Variants in CBLB observed in about 807,000 individuals in gnomAD.
CBLB encodes E3 ubiquitin-protein ligase CBL-B.
A neutral mutation model predicts 104.9 loss-of-function variants in CBLB; 31 were observed. The ratio of observed to expected loss-of-function variants is 0.30; its 90% confidence interval spans 0.22 to 0.40. The LOEUF (loss-of-function observed/expected upper bound fraction) is 0.40. Among genes scored for constraint, CBLB ranks in the 10% least tolerant of loss-of-function variants. The probability of loss-of-function intolerance (pLI) is 1.00; values close to 1 mark genes in which losing one functional copy is unlikely to be tolerated. For missense variants in CBLB, 1,062 were observed against 1,214.6 expected, an observed-to-expected ratio of 0.87 and a Z score of 1.87; for synonymous variants, 440 against 422.6, an observed-to-expected ratio of 1.04 and a Z score of -0.51.
chr3:105,715,697 G>T (rs1158044660), intron 10 of CBLB, among the ~76,000 whole-genome samples: 1 of 152,164 alleles, frequency 6.6e-6, no homozygotes, highest in Non-Finnish European at 1.5e-5. Flanking sequence ...GACAATCACT[G>T]GCAGTCACTC....
At chr3:105,744,256 T>C (rs1218570630) in intron 6 of CBLB, among the ~76,000 whole-genome samples, 2 of 130,298 alleles carry the variant, frequency 1.5e-5, no homozygotes, top group Non-Finnish European at 3.2e-5. Flanking sequence ...ATAACTCACA[T>C]GTTAAATTTT....
chr3:105,658,145 T>C lies in CBLB; in HGVS notation c.*825A>G, dbSNP rs1481676734. The C allele has an allele frequency of 4.6e-6, 1 of 217,506 alleles. No homozygotes were observed. The highest frequency in any genetic ancestry group is 2.3e-5 in the African/African-American group (1 of 44,398). 13.5% of individuals were successfully genotyped at this position (217,506 alleles called of 1,614,324 possible). The stretch of plus-strand genomic sequence containing the variant: ...TTATACAAGTGTTCTCTCTTCCACA[T>C]CTGTAGTAGCTGCTTTCTAATATTG... On this transcript the variant is annotated 3_prime_UTR_variant, in exon 19 of 19. Transcript: ENST00000394030.
chr3:105,664,781 A>C (rs1165796783), intron 18 of CBLB, among the ~76,000 whole-genome samples: 1 of 152,188 alleles, frequency 6.6e-6, no homozygotes, highest in East Asian at 1.9e-4. Flanking sequence ...TGTGAAAAAT[A>C]ATCAGAATCT....
intron 3 of CBLB, among the ~76,000 whole-genome samples, chr3:105,837,126 T>C (rs573445144): frequency 4.0e-4 from 61 of 152,330 alleles, no homozygotes; most frequent in African/African-American, 1.4e-3. Context: ...GAAATCTTCA[T>C]CCGTATTAAG....
intron 3 of CBLB, among the ~76,000 whole-genome samples, chr3:105,848,004 C>T (rs1197348755): frequency 6.6e-6 from 1 of 151,948 alleles, no homozygotes; most frequent in Non-Finnish European, 1.5e-5. Context: ...ATGTTCTTTA[C>T]CTTCTCTCCA....
At chr3:105,755,178 C>G (rs952391739) in intron 4 of CBLB, among the ~76,000 whole-genome samples, 2 of 152,246 alleles carry the variant, frequency 1.3e-5, no homozygotes, top group Non-Finnish European at 2.9e-5. Context: ...TCTCTCCCCC[C>G]TCCCCTGACC....
At position 105,751,634 on chromosome 3, in the gene CBLB, A is replaced by G; in HGVS notation, c.567-16T>C. On this transcript the variant is annotated splice_polypyrimidine_tract_variant and intron_variant, in intron 4 of 18. Coordinates refer to ENST00000394030, the MANE Select transcript of CBLB (RefSeq NM_170662.5). ...TACGATAGTTCTGTGCAAGGTGGAA[A>G]AAAAGGGAAATAATTGAATCAAGTA... The G allele has an allele frequency of 6.2e-7, 1 of 1,608,414 alleles. No homozygotes were observed. The highest frequency in any genetic ancestry group is 8.5e-7 in the Non-Finnish European group (1 of 1,174,920).
At chr3:105,733,567 T>C (rs192596059) in intron 9 of CBLB, among the ~76,000 whole-genome samples, 55 of 152,284 alleles carry the variant, frequency 3.6e-4, no homozygotes, top group Admixed American at 7.8e-4. Context: ...GATTCTCCAA[T>C]TTCAGCACTA....
intron 3 of CBLB, among the ~76,000 whole-genome samples, chr3:105,841,470 TG>T (rs1246609546): frequency 9.2e-5 from 14 of 151,850 alleles, no homozygotes; most frequent in Admixed American, 4.6e-4. Context: ...ATATATTTTT[TG>T]AGACGGGGTC....
chr3:105,820,671 C>T (rs1286999013), intron 3 of CBLB, among the ~76,000 whole-genome samples: 1 of 151,930 alleles, frequency 6.6e-6, no homozygotes, highest in African/African-American at 2.4e-5. Flanking sequence ...ACACAAACAC[C>T]AGATAAAAAT....
intron 3 of CBLB, among the ~76,000 whole-genome samples, chr3:105,851,598 A>T (rs768251812): frequency 2.0e-5 from 3 of 152,228 alleles, no homozygotes; most frequent in Non-Finnish European, 4.4e-5. Flanking sequence ...CAAGATGTGA[A>T]CAGGAGAAAC....
At chr3:105,859,987 A>G (rs1422231342) in intron 2 of CBLB, among the ~76,000 whole-genome samples, 1 of 152,242 alleles carries the variant, frequency 6.6e-6, no homozygotes, top group Non-Finnish European at 1.5e-5. Context: ...GAAAATTACC[A>G]AGACCTTTAT....
At chr3:105,796,690 G>A (rs1169941756) in intron 3 of CBLB, among the ~76,000 whole-genome samples, 19 of 152,068 alleles carry the variant, frequency 1.2e-4, no homozygotes. Context: ...CTACATATGT[G>A]GCAAAAGTCT....
At chr3:105,854,966 C>T (rs1012896957) in intron 2 of CBLB, among the ~76,000 whole-genome samples, 4 of 152,024 alleles carry the variant, frequency 2.6e-5, no homozygotes, top group African/African-American at 9.7e-5. Flanking sequence ...TTGGCTAAAG[C>T]CTCCTGTTGG....
chr3:105,803,042 T>C (rs1269454722), intron 3 of CBLB, among the ~76,000 whole-genome samples: 1 of 152,166 alleles, frequency 6.6e-6, no homozygotes, highest in African/African-American at 2.4e-5. Context: ...ATCGGAGAAG[T>C]CTTTACACAG....
intron 3 of CBLB, among the ~76,000 whole-genome samples, chr3:105,799,528 A>G (rs1180992905): frequency 6.6e-6 from 1 of 152,138 alleles, no homozygotes; most frequent in Non-Finnish European, 1.5e-5. Flanking sequence ...AAGGCATTTC[A>G]CCATTTTGAT....
intron 3 of CBLB, among the ~76,000 whole-genome samples, chr3:105,780,530 A>T (rs958615037): frequency 6.6e-6 from 1 of 152,134 alleles, no homozygotes; most frequent in Admixed American, 6.5e-5. Context: ...AATTTTCGAT[A>T]TCAGTTCTTT....
At chr3:105,661,663 T>A (rs774929828) in intron 18 of CBLB, among the ~76,000 whole-genome samples, 41 of 152,162 alleles carry the variant, frequency 2.7e-4, no homozygotes, top group Non-Finnish European at 1.2e-4. Flanking sequence ...TGTATACAAG[T>A]GGGATGAATA....
At chr3:105,666,410 A>C (rs995887991) in intron 18 of CBLB, among the ~76,000 whole-genome samples, 1 of 152,134 alleles carries the variant, frequency 6.6e-6, no homozygotes, top group African/African-American at 2.4e-5. Flanking sequence ...ACTGCTGGCC[A>C]CGCGCAGTGG....
Sources: allele counts gnomAD v4.1 joint callset (sites outside exome capture counted in the v4.1 genomes callset), GRCh38; gene constraint gnomAD v4.1.1; transcripts MANE v1.5; gene names NCBI Gene and HGNC (gene_info 2026-07-23, HGNC 2026-07-21).